The following DISP1 variants were observed in gnomAD, a reference collection of about 807,000 sequenced individuals.
DISP1 encodes the protein protein dispatched homolog 1.
In DISP1, 30 loss-of-function variants were observed where a neutral mutation model predicts 37.3. The observed-to-expected ratio is 0.80, with a 90% CI of 0.60 to 1.09. The LOEUF is 1.09. Ranked by LOEUF, DISP1 falls within the 50% of genes least tolerant of loss-of-function variation. DISP1 has a pLI of 0.00. For missense variants in DISP1, 1,598 were observed against 1,879.5 expected (o/e 0.85, Z 2.77); for synonymous variants, 634 against 690.2 (o/e 0.92, Z 1.28).
chr1:222,983,269 A>G (rs555933292), intron 4 of DISP1, among the ~76,000 whole-genome samples, 160 bp downstream of exon 4: 2 of 152,108 alleles, frequency 1.3e-5, no homozygotes, highest in African/African-American at 4.8e-5. Context: ...GAGGAATTCC[A>G]TATCTCCAAA....
At chr1:222,945,433 G>T (rs1415220701) in intron 3 of DISP1, among the ~76,000 whole-genome samples, 6 of 152,174 alleles carry the variant, frequency 3.9e-5, no homozygotes, top group African/African-American at 1.2e-4. Flanking sequence ...TTATATGGTT[G>T]CAAAGTATGA....
chr1:222,837,392 T>A (rs1030254831), intron 1 of DISP1: 5 of 238,834 alleles, frequency 2.1e-5, no homozygotes, highest in African/African-American at 1.1e-4. Context: ...TAAGCCCTTG[T>A]TTTTTTTGGT....
intron 3 of DISP1, among the ~76,000 whole-genome samples, chr1:222,946,971 A>G (rs957157272): frequency 1.3e-5 from 2 of 152,192 alleles, no homozygotes; most frequent in Non-Finnish European, 2.9e-5. Context: ...GCTAATGAGG[A>G]CTCATTATAG....
intron 3 of DISP1, among the ~76,000 whole-genome samples, chr1:222,962,006 A>G (rs1388725540): frequency 6.8e-6 from 1 of 147,608 alleles, no homozygotes; most frequent in Non-Finnish European, 1.5e-5. Flanking sequence ...CTCTGTCTCA[A>G]AAAAAGAAAA....
Position 222,905,085 on chromosome 1 carries a change from A to G in DISP1, c.-158-23345A>G, listed in dbSNP as rs1042511892. ...GATCTAAAATAAGAAAGAAGTAACT[A>G]TTATAAACTGATTTAAGAACAAGTT... is the stretch of plus-strand genomic sequence containing the variant. On this transcript the variant is annotated intron_variant, in intron 1 of 8. Transcript: ENST00000675850. 8.5e-5 allele frequency among the ~76,000 whole-genome samples: 13 copies of G among 152,326 alleles called. No homozygotes were observed. The East Asian group carries it at 1.7e-3, about 20-fold the overall frequency.
At chr1:222,892,315 G>A (rs779039875) in intron 1 of DISP1, among the ~76,000 whole-genome samples, 22 of 152,196 alleles carry the variant, frequency 1.4e-4, no homozygotes, top group Non-Finnish European at 2.8e-4. Flanking sequence ...AGGACAGAAA[G>A]CTTCACGTCT....
At chr1:222,937,876 T>C (rs1674087821) in intron 2 of DISP1, among the ~76,000 whole-genome samples, 1 of 151,456 alleles carries the variant, frequency 6.6e-6, no homozygotes, top group Non-Finnish European at 1.5e-5. Context: ...ATAGCTGTTT[T>C]GTTTTGTTTT....
intron 4 of DISP1, among the ~76,000 whole-genome samples, chr1:222,990,281 T>G (rs1678603949): frequency 6.6e-6 from 1 of 152,244 alleles, no homozygotes; most frequent in Admixed American, 6.5e-5. Context: ...ACTGATGAAG[T>G]GTGTATTTTA....
intron 3 of DISP1, among the ~76,000 whole-genome samples, chr1:222,944,402 T>C (rs1359405808): frequency 6.6e-6 from 1 of 152,162 alleles, no homozygotes. Context: ...TACAAAATAC[T>C]AAGTACTTTC....
chr1:223,001,157 A>G (rs1381408805), intron 8 of DISP1, among the ~76,000 whole-genome samples: 1 of 151,980 alleles, frequency 6.6e-6, no homozygotes, highest in East Asian at 1.9e-4. Flanking sequence ...TTTTTATAAC[A>G]ATAGCCATAA....
At chr1:222,911,872 A>G (rs1028199380) in intron 1 of DISP1, among the ~76,000 whole-genome samples, 1 of 152,206 alleles carries the variant, frequency 6.6e-6, no homozygotes, top group Non-Finnish European at 1.5e-5. Flanking sequence ...CCAACATAGT[A>G]ACAAGGTTTG....
At chr1:222,847,523 A>G (rs1667981586) in intron 1 of DISP1, among the ~76,000 whole-genome samples, 1 of 152,174 alleles carries the variant, frequency 6.6e-6, no homozygotes, top group African/African-American at 2.4e-5. Context: ...ATCCATATTT[A>G]TTTTCTATAT....
intron 1 of DISP1, among the ~76,000 whole-genome samples, chr1:222,922,984 G>T (rs1347541426): frequency 6.6e-6 from 1 of 152,050 alleles, no homozygotes; most frequent in African/African-American, 2.4e-5. Context: ...CATTTTTGAA[G>T]AAACAGTTTT....
Position 222,943,063 on chromosome 1 carries a change from A to G in DISP1, c.240A>G (p.Gln80=), listed in dbSNP as rs896476798. The G allele has an allele frequency of 6.2e-7, 1 of 1,614,100 alleles. No homozygotes were observed. Among genetic ancestry groups the G allele is most frequent in the Non-Finnish European group, 8.5e-7 (1 of 1,180,010 alleles). The change falls in exon 3 of 9, where the codon CAA becomes CAG. Residue 80 remains glutamine, a synonymous_variant. Transcript: ENST00000675850. The part of the protein sequence containing the change: ...DNQRMPQMLP[Q]CCHPCPYHHP... ...AAAGAATGCCTCAGATGTTACCCCAATGCTGCCATCCTTGCCCATACCATC... is the reference window on the plus strand; with the variant it reads ...AAAGAATGCCTCAGATGTTACCCCAGTGCTGCCATCCTTGCCCATACCATC...
intron 1 of DISP1, among the ~76,000 whole-genome samples, chr1:222,864,629 T>C (rs898598594): frequency 6.6e-6 from 1 of 152,186 alleles, no homozygotes; most frequent in Admixed American, 6.5e-5. Flanking sequence ...AACTTTGATA[T>C]GGGCAACATC....
intron 1 of DISP1, among the ~76,000 whole-genome samples, chr1:222,926,490 A>G (rs1249773419): frequency 2.0e-5 from 3 of 152,194 alleles, no homozygotes; most frequent in Admixed American, 1.3e-4. Flanking sequence ...GAATTAGTGA[A>G]TACTGAATTA....
chr1:222,822,420 G>A (rs1365504718), intron 1 of DISP1, among the ~76,000 whole-genome samples: 1 of 152,144 alleles, frequency 6.6e-6, no homozygotes, highest in Non-Finnish European at 1.5e-5. Context: ...AAATTAAGTT[G>A]AGAAATTTAT....
chr1:222,968,935 A>G (rs1410633046), intron 3 of DISP1, among the ~76,000 whole-genome samples: 3 of 151,774 alleles, frequency 2.0e-5, no homozygotes, highest in African/African-American at 4.8e-5. Context: ...CTCTGTCTCA[A>G]AAAAAAAGGA....
intron 2 of DISP1, among the ~76,000 whole-genome samples, chr1:222,929,391 G>A (rs1469655575): frequency 6.6e-6 from 1 of 152,002 alleles, no homozygotes; most frequent in Admixed American, 6.6e-5. Context: ...ATTAAACAGA[G>A]AAATTTAGTG....
Sources: allele counts gnomAD v4.1 joint callset (sites outside exome capture counted in the v4.1 genomes callset), GRCh38; gene constraint gnomAD v4.1.1; transcripts MANE v1.5; gene names NCBI Gene and HGNC (gene_info 2026-07-23, HGNC 2026-07-21).